NXPE4: variants seen among roughly 807,000 people sequenced by gnomAD.
The protein encoded by NXPE4 is NXPE family member 4.
NXPE4 carries 42 observed loss-of-function variants against 33.3 expected under a neutral mutation model. That is an observed-to-expected ratio of 1.26 (90% CI 0.98 to 1.63). The LOEUF is 1.63. Among genes scored for constraint, NXPE4 ranks in the 40% most tolerant of loss-of-function variants. The pLI, the probability that NXPE4 is intolerant of heterozygous loss-of-function variation, is 0.00. For missense variants in NXPE4, 709 were observed against 647.6 expected (o/e 1.09, Z -1.03); for synonymous variants, 253 against 234.9 (o/e 1.08, Z -0.71).
At chr11:114,661,888 G>GT in the NXPE4 span, among the ~76,000 whole-genome samples, 1 of 152,164 alleles carries the variant, frequency 6.6e-6, no homozygotes, top group African/African-American at 2.4e-5. Flanking sequence ...TGGTCAATGG[G>GT]TTTTTGATGA....
Position 114,570,676 on chromosome 11 carries a change from G to C in NXPE4, c.*262C>G, listed in dbSNP as rs1404031014. On this transcript the variant is annotated 3_prime_UTR_variant, in exon 6 of 6. Transcript: ENST00000375478. ...GAGAACTTTTACCCATAGGTGTCTT[G>C]ACTTCCCATTGGTGAAGAGGGGTAT... 2 of 275,164 alleles carry C rather than the reference G, an allele frequency of 7.3e-6. No individual in the cohort carries two copies. Among genetic ancestry groups the C allele is most frequent in the African/African-American group, 4.4e-5 (2 of 45,312 alleles). The allele number at this position is 275,164 out of a possible 1,614,324, so 17.0% of individuals were successfully genotyped here.
intron 2 of NXPE4, among the ~76,000 whole-genome samples, chr11:114,587,468 A>G (rs1308412774): frequency 1.3e-5 from 2 of 152,240 alleles, no homozygotes; most frequent in Non-Finnish European, 2.9e-5. Flanking sequence ...CTCTCTCAAG[A>G]TCCATCTATT....
chr11:114,615,230 G>A, the NXPE4 span, among the ~76,000 whole-genome samples: 1 of 151,904 alleles, frequency 6.6e-6, no homozygotes, highest in Non-Finnish European at 1.5e-5. Flanking sequence ...ATCGCCTCTT[G>A]GGTAACCACT....
chr11:114,619,232 T>C, the NXPE4 span, among the ~76,000 whole-genome samples: 3 of 151,928 alleles, frequency 2.0e-5, no homozygotes, highest in East Asian at 1.9e-4. Flanking sequence ...TCTTACCCGG[T>C]AGAATATAAG....
At chr11:114,655,501 A>G in the NXPE4 span, among the ~76,000 whole-genome samples, 15 of 152,248 alleles carry the variant, frequency 9.9e-5, no homozygotes, top group East Asian at 2.9e-3. Context: ...GAATTTTTGT[A>G]TAAGGTGTAA....
chr11:114,582,143 T>C, intron 3 of NXPE4, 145 bp downstream of exon 3: 1 of 844,336 alleles, frequency 1.2e-6, no homozygotes, highest in Non-Finnish European at 1.8e-6. Context: ...GGGCACTGTC[T>C]CTAAATGAAT....
the NXPE4 span, among the ~76,000 whole-genome samples, chr11:114,673,961 CA>C: frequency 1.3e-5 from 2 of 151,824 alleles, no homozygotes; most frequent in African/African-American, 4.8e-5. Context: ...TGTCATTTAT[CA>C]GCTTATCTTC....
chr11:114,674,743 A>G, the NXPE4 span, among the ~76,000 whole-genome samples: 193 of 151,808 alleles, frequency 1.3e-3, no homozygotes, highest in African/African-American at 4.4e-3. Flanking sequence ...AATAATGCCA[A>G]CTCTTCCCAA....
intron 3 of NXPE4, 55 bp from the exon 4 acceptor site, chr11:114,581,841 T>C: frequency 8.4e-7 from 1 of 1,190,408 alleles, no homozygotes; most frequent in Non-Finnish European, 1.2e-6. Flanking sequence ...TCAGGAAACA[T>C]ACAGAAACTA....
At chr11:114,668,108 T>C in the NXPE4 span, among the ~76,000 whole-genome samples, 2 of 151,928 alleles carry the variant, frequency 1.3e-5, no homozygotes, top group Non-Finnish European at 2.9e-5. Context: ...GAATACCTCT[T>C]GATAGATGGA....
the NXPE4 span, among the ~76,000 whole-genome samples, chr11:114,652,757 T>G: frequency 6.6e-6 from 1 of 152,154 alleles, no homozygotes; most frequent in African/African-American, 2.4e-5. Flanking sequence ...AATGGCTCTG[T>G]GTTTTGAGAC....
the NXPE4 span, among the ~76,000 whole-genome samples, chr11:114,657,145 C>T: frequency 6.6e-6 from 1 of 152,140 alleles, no homozygotes; most frequent in African/African-American, 2.4e-5. Context: ...TTGTACTATA[C>T]TCATCCTCAG....
rs1247149733 is a variant in NXPE4, at chr11:114,577,330, A to G, written c.1099+2802T>C. ...AACCAAGCATCGTATGTTCTCACTC[A>G]TATGTGGGAACTAAGCTATGAGGAC... On this transcript the variant is annotated intron_variant, in intron 5 of 5. Coordinates refer to ENST00000375478, the MANE Select transcript of NXPE4 (RefSeq NM_001077639.2). 2.6e-5 allele frequency among the ~76,000 whole-genome samples: 4 copies of G among 151,798 alleles called. No homozygotes were observed. In the East Asian group the frequency reaches 5.8e-4, roughly 22 times the overall value.
the NXPE4 span, among the ~76,000 whole-genome samples, chr11:114,604,305 T>C: frequency 1.3e-5 from 2 of 150,398 alleles, no homozygotes; most frequent in African/African-American, 2.5e-5. Flanking sequence ...TGGGTAACAA[T>C]TCTTACCCTG....
At chr11:114,665,271 C>A in the NXPE4 span, among the ~76,000 whole-genome samples, 1 of 152,110 alleles carries the variant, frequency 6.6e-6, no homozygotes, top group African/African-American at 2.4e-5. Flanking sequence ...AGCTTTAAGT[C>A]ATTTGAAATG....
chr11:114,619,952 G>C, the NXPE4 span, among the ~76,000 whole-genome samples: 1 of 151,870 alleles, frequency 6.6e-6, no homozygotes, highest in Non-Finnish European at 1.5e-5. Flanking sequence ...TGGATAATAA[G>C]TGTTGCCTCG....
chr11:114,642,821 T>A, the NXPE4 span, among the ~76,000 whole-genome samples: 1 of 152,118 alleles, frequency 6.6e-6, no homozygotes, highest in Non-Finnish European at 1.5e-5. Flanking sequence ...TAGTTCTAGA[T>A]CCTTGAGGAA....
At chr11:114,605,255 C>A in the NXPE4 span, among the ~76,000 whole-genome samples, 156 of 152,016 alleles carry the variant, frequency 1.0e-3, 2 homozygotes, top group Admixed American at 8.4e-3. Flanking sequence ...ATAAGTACAG[C>A]CTCGTGGGAA....
the NXPE4 span, among the ~76,000 whole-genome samples, chr11:114,660,710 T>A: frequency 6.6e-6 from 1 of 152,134 alleles, no homozygotes; most frequent in Non-Finnish European, 1.5e-5. Context: ...AAATCAATAA[T>A]GTTCAATCTT....
Sources: gnomAD v4.1 joint callset for allele counts (sites outside exome capture counted in the v4.1 genomes callset) on GRCh38, gnomAD v4.1.1 for gene constraint, MANE v1.5 for transcripts, NCBI Gene and HGNC (gene_info 2026-07-23, HGNC 2026-07-21) for gene names.